Variants in CNBD1 observed in about 807,000 individuals in gnomAD.
CNBD1 encodes the protein cyclic nucleotide-binding domain-containing protein 1.
CNBD1 carries 71 observed loss-of-function variants against 54.4 expected under a neutral mutation model. That is an observed-to-expected ratio of 1.30 (90% CI 1.08 to 1.59). The LOEUF is 1.59. Ranked by LOEUF, CNBD1 falls within the 40% of genes most tolerant of loss-of-function variation. The pLI is 0.00. For synonymous variants in CNBD1, 182 were observed against 170.7 expected, an observed-to-expected ratio of 1.07 and a Z score of -0.51; for missense variants, 659 against 518.0, an observed-to-expected ratio of 1.27 and a Z score of -2.64.
At chr8:86,956,679 G>T (rs200096385) in intron 4 of CNBD1, among the ~76,000 whole-genome samples, 2 of 152,024 alleles carry the variant, frequency 1.3e-5, no homozygotes, top group Admixed American at 6.6e-5. Flanking sequence ...ACATTGATTT[G>T]GTATCCTGAG....
At chr8:87,339,792 T>C (rs895121764) in intron 8 of CNBD1, among the ~76,000 whole-genome samples, 1 of 152,170 alleles carries the variant, frequency 6.6e-6, no homozygotes, top group African/African-American at 2.4e-5. Flanking sequence ...ACAATGAGTC[T>C]ACACTTTTAC....
intron 2 of CNBD1, among the ~76,000 whole-genome samples, chr8:87,401,195 C>A (rs1478964819): frequency 1.3e-5 from 2 of 151,918 alleles, no homozygotes; most frequent in East Asian, 3.9e-4. Context: ...ATATTGGAAA[C>A]CTATTGAGGT....
At chr8:87,083,764 G>A (rs372599730) in intron 4 of CNBD1, among the ~76,000 whole-genome samples, 23 of 151,418 alleles carry the variant, frequency 1.5e-4, no homozygotes, top group African/African-American at 5.6e-4. Context: ...AATTTTTTGT[G>A]TTTTTAGTAG....
chr8:87,423,129 C>A (rs937870215), intron 2 of CNBD1, among the ~76,000 whole-genome samples: 8 of 152,030 alleles, frequency 5.3e-5, no homozygotes, highest in East Asian at 3.9e-4. Context: ...GATTTTGTAT[C>A]CTGAGACTTT....
intron 4 of CNBD1, among the ~76,000 whole-genome samples, chr8:87,081,520 T>C (rs1245746324): frequency 6.6e-6 from 1 of 151,440 alleles, no homozygotes; most frequent in Admixed American, 6.6e-5. Context: ...TGTTTTTTTT[T>C]TTTTGAGATG....
downstream of CNBD1, among the ~76,000 whole-genome samples, chr8:87,385,023 T>G (rs1231960766): frequency 6.6e-6 from 1 of 152,188 alleles, no homozygotes. Context: ...TGATCTGACT[T>G]AAGTTTTCAA....
At chr8:87,306,777 G>T (rs367701205) in intron 8 of CNBD1, among the ~76,000 whole-genome samples, 50 of 151,880 alleles carry the variant, frequency 3.3e-4, no homozygotes, top group African/African-American at 1.2e-3. Context: ...TGGGAGGGGG[G>T]TGAGGGATAG....
chr8:86,912,104 T>C (rs1224792487), intron 3 of CNBD1, among the ~76,000 whole-genome samples: 2 of 152,208 alleles, frequency 1.3e-5, no homozygotes, highest in Non-Finnish European at 2.9e-5. Context: ...TGCTTACTTG[T>C]TATAATTTTA....
intron 2 of CNBD1, among the ~76,000 whole-genome samples, chr8:87,414,087 G>T: frequency 6.6e-6 from 1 of 152,042 alleles, no homozygotes; most frequent in Non-Finnish European, 1.5e-5. Flanking sequence ...GTTTATTGCG[G>T]CACTATTCAC....
intron 4 of CNBD1, among the ~76,000 whole-genome samples, chr8:87,025,721 A>T (rs780525502): frequency 2.1e-4 from 32 of 152,220 alleles, no homozygotes; most frequent in Non-Finnish European, 4.3e-4. Flanking sequence ...TGTAACACTC[A>T]CTGTGAAGAA....
At chr8:87,232,647 A>G (rs996803345) in intron 5 of CNBD1, among the ~76,000 whole-genome samples, 5 of 152,178 alleles carry the variant, frequency 3.3e-5, no homozygotes, top group African/African-American at 9.6e-5. Context: ...AAAACGTTAT[A>G]TAAATACTTG....
At chr8:87,041,625 C>T (rs1192422794) in intron 4 of CNBD1, among the ~76,000 whole-genome samples, 6 of 152,016 alleles carry the variant, frequency 3.9e-5, no homozygotes, top group African/African-American at 7.2e-5. Flanking sequence ...GGTGAAACCC[C>T]GTCTCTACTA....
chr8:87,249,860 A>G (rs747414161), intron 6 of CNBD1, among the ~76,000 whole-genome samples: 28 of 152,170 alleles, frequency 1.8e-4, no homozygotes, highest in Admixed American at 3.9e-4. Context: ...TAAATATAAA[A>G]CTTCAAACTG....
At chr8:87,415,980 A>G (rs1807827638) in intron 2 of CNBD1, among the ~76,000 whole-genome samples, 1 of 151,890 alleles carries the variant, frequency 6.6e-6, no homozygotes, top group Non-Finnish European at 1.5e-5. Context: ...TATGGACATT[A>G]ACAAAAAAAA....
intron 3 of CNBD1, among the ~76,000 whole-genome samples, chr8:86,928,270 T>A (rs1267792922): frequency 6.6e-6 from 1 of 152,170 alleles, no homozygotes; most frequent in Admixed American, 6.5e-5. Flanking sequence ...CAGCATTTCA[T>A]ATGGACTTAC....
chr8:86,935,761 CTTATT>C (rs1485829911), intron 3 of CNBD1, among the ~76,000 whole-genome samples: 1 of 151,954 alleles, frequency 6.6e-6, no homozygotes, highest in Non-Finnish European at 1.5e-5. Flanking sequence ...TTTCCTTATA[CTTATT>C]TTGAGTATAA....
chr8:87,253,299 G>A (rs1807946665), intron 6 of CNBD1, among the ~76,000 whole-genome samples: 1 of 152,068 alleles, frequency 6.6e-6, no homozygotes, highest in African/African-American at 2.4e-5. Context: ...CGGGGAGAGA[G>A]GGAGCAGGAG....
chr8:87,373,692 C>G (rs910517970), intron 10 of CNBD1, among the ~76,000 whole-genome samples: 9 of 151,542 alleles, frequency 5.9e-5, no homozygotes, highest in Non-Finnish European at 1.3e-4. Context: ...CAATTCAGGC[C>G]AAAAAGCCTA....
In CNBD1 at chr8:86,949,451, T is replaced by C. The variant is rs1233681487; in HGVS notation, c.431+9697T>C. Among the ~76,000 whole-genome samples the C allele has an allele frequency of 2.0e-5, 3 of 152,154 alleles. No homozygotes were observed. In the East Asian group the frequency reaches 5.8e-4, roughly 29 times the overall value. The stretch of plus-strand genomic sequence containing the variant: ...CATCAGTGTTATATAGTTTTCTTTA[T>C]AGATATATTTCACATATTAGTTAAT... On this transcript the variant is annotated intron_variant, in intron 4 of 10. Coordinates refer to ENST00000518476, the MANE Select transcript of CNBD1 (RefSeq NM_173538.3).
Sources: gnomAD v4.1 joint callset for allele counts (sites outside exome capture counted in the v4.1 genomes callset) on GRCh38, gnomAD v4.1.1 for gene constraint, MANE v1.5 for transcripts, NCBI Gene and HGNC (gene_info 2026-07-23, HGNC 2026-07-21) for gene names.